Variants in RAD18 observed in about 807,000 individuals in gnomAD.
The protein encoded by RAD18 is E3 ubiquitin-protein ligase RAD18.
RAD18 carries 47 observed loss-of-function variants against 60.4 expected under a neutral mutation model. That is an observed-to-expected ratio of 0.78 (90% CI 0.62 to 0.99). The LOEUF (loss-of-function observed/expected upper bound fraction) is 0.99. Among genes scored for constraint, RAD18 ranks in the 50% least tolerant of loss-of-function variants. RAD18 has a pLI of 0.00. For synonymous variants in RAD18, 225 were observed against 195.5 expected (o/e 1.15, Z -1.26); for missense variants, 640 against 593.3 (o/e 1.08, Z -0.82).
intron 11 of RAD18, among the ~76,000 whole-genome samples, chr3:8,894,341 T>C (rs1463596818): frequency 6.6e-6 from 1 of 152,178 alleles, no homozygotes; most frequent in African/African-American, 2.4e-5. Flanking sequence ...TACTAATATA[T>C]GCAAAATCCT....
At chr3:8,916,446 C>T (rs2125056645) in intron 7 of RAD18, among the ~76,000 whole-genome samples, 3 of 152,178 alleles carry the variant, frequency 2.0e-5, no homozygotes, top group Admixed American at 2.0e-4. Flanking sequence ...ATAGGGAAAA[C>T]CTAAGTTGTG....
At chr3:8,885,224 G>C (rs138529283) in intron 12 of RAD18, among the ~76,000 whole-genome samples, 1 of 152,190 alleles carries the variant, frequency 6.6e-6, no homozygotes, top group African/African-American at 2.4e-5. Flanking sequence ...TCAGATCAAG[G>C]ACCACTGTAA....
intron 7 of RAD18, among the ~76,000 whole-genome samples, chr3:8,922,521 A>T (rs1219951150): frequency 6.6e-6 from 1 of 152,160 alleles, no homozygotes; most frequent in Non-Finnish European, 1.5e-5. Context: ...GGCAGCAGAA[A>T]CCTCTGCAGG....
intron 2 of RAD18, among the ~76,000 whole-genome samples, chr3:8,949,909 C>T (rs571841954): frequency 6.6e-6 from 1 of 152,162 alleles, no homozygotes; most frequent in African/African-American, 2.4e-5. Flanking sequence ...AGTTTTAGTT[C>T]CAGGAGTTCT....
chr3:8,954,995 C>T (rs918934584), intron 2 of RAD18, among the ~76,000 whole-genome samples: 12 of 152,212 alleles, frequency 7.9e-5, no homozygotes, highest in African/African-American at 2.9e-4. Context: ...AACTTCCCTC[C>T]ACTGACTTCC....
intron 1 of RAD18, 47 bp downstream of exon 1, chr3:8,963,288 T>TC (rs778299798): frequency 2.6e-6 from 4 of 1,552,606 alleles, no homozygotes; most frequent in Admixed American, 3.6e-5. Context: ...GGGAGGGACC[T>TC]CCCCCCGCAG....
intron 12 of RAD18, among the ~76,000 whole-genome samples, chr3:8,884,183 G>A (rs151047843): frequency 1.1e-4 from 17 of 152,188 alleles, no homozygotes; most frequent in African/African-American, 4.1e-4. Context: ...TAGAGGAACT[G>A]GAGAGAGAAG....
At chr3:8,921,548 T>A (rs1940320267) in intron 7 of RAD18, among the ~76,000 whole-genome samples, 1 of 151,992 alleles carries the variant, frequency 6.6e-6, no homozygotes, top group Non-Finnish European at 1.5e-5. Flanking sequence ...CCTGGCAGGC[T>A]GAAACAGGAG....
chr3:8,887,855 G>A (rs1017108045), intron 12 of RAD18, among the ~76,000 whole-genome samples: 17 of 152,122 alleles, frequency 1.1e-4, no homozygotes, highest in African/African-American at 4.1e-4. Context: ...AGGAGAGGCT[G>A]GTCAATTCTC....
At chr3:8,902,271 A>AGTTC in intron 10 of RAD18, 109 bp downstream of exon 10, 2 of 1,058,910 alleles carry the variant, frequency 1.9e-6, no homozygotes, top group Non-Finnish European at 2.5e-6. Context: ...ACTTTTTCTC[A>AGTTC]TTTCAAAGAA....
At chr3:8,928,342 G>T (rs970521266) in intron 7 of RAD18, among the ~76,000 whole-genome samples, 3 of 151,962 alleles carry the variant, frequency 2.0e-5, no homozygotes, top group African/African-American at 7.2e-5. Context: ...TAGAATAAAT[G>T]AAATTAAAAT....
At chr3:8,942,998 A>G (rs896129449) in intron 4 of RAD18, among the ~76,000 whole-genome samples, 26 of 152,368 alleles carry the variant, frequency 1.7e-4, no homozygotes, top group African/African-American at 6.3e-4. Flanking sequence ...ACCACACCTT[A>G]GAAAAATGGA....
intron 11 of RAD18, among the ~76,000 whole-genome samples, chr3:8,896,013 C>T (rs1939776269): frequency 6.6e-6 from 1 of 152,136 alleles, no homozygotes; most frequent in South Asian, 2.1e-4. Context: ...TCTGTTCCCT[C>T]TTTTCTGACC....
chr3:8,915,014 T>G (rs1559772737), intron 7 of RAD18, among the ~76,000 whole-genome samples: 1 of 151,314 alleles, frequency 6.6e-6, no homozygotes. Flanking sequence ...CCGGGTGTGG[T>G]GGGGGGCGCC....
At chr3:8,933,794 A>T (rs891395868) in intron 7 of RAD18, among the ~76,000 whole-genome samples, 1 of 152,230 alleles carries the variant, frequency 6.6e-6, no homozygotes, top group African/African-American at 2.4e-5. Context: ...ATGTAATCCC[A>T]ATTTAAAAAC....
intron 12 of RAD18, among the ~76,000 whole-genome samples, chr3:8,883,101 T>C (rs1450716160): frequency 6.6e-6 from 1 of 152,176 alleles, no homozygotes; most frequent in East Asian, 1.9e-4. Flanking sequence ...AAAAGGAGTA[T>C]GTGAGGGGGT....
intron 1 of RAD18, among the ~76,000 whole-genome samples, chr3:8,960,465 T>A (rs911294327): frequency 1.3e-5 from 2 of 152,218 alleles, no homozygotes; most frequent in Non-Finnish European, 2.9e-5. Flanking sequence ...GTGAACCTAT[T>A]ACCTGAATTT....
At chr3:8,941,834 T>C in intron 4 of RAD18, 30 bp from the exon 5 acceptor site, 1 of 1,528,988 alleles carries the variant, frequency 6.5e-7, no homozygotes, top group Non-Finnish European at 8.9e-7. Flanking sequence ...AACAGACAAT[T>C]AAGAGATCCA....
At chr3:8,961,569 G>C (rs1383510792) in intron 1 of RAD18, among the ~76,000 whole-genome samples, 2 of 152,208 alleles carry the variant, frequency 1.3e-5, no homozygotes. Context: ...ACTTCAGTCA[G>C]ATCTGCTTCT....
Sources: gnomAD v4.1 joint callset for allele counts (sites outside exome capture counted in the v4.1 genomes callset) on GRCh38, gnomAD v4.1.1 for gene constraint, MANE v1.5 for transcripts, NCBI Gene and HGNC (gene_info 2026-07-23, HGNC 2026-07-21) for gene names.